TPP2: variants seen among roughly 807,000 people sequenced by gnomAD.
TPP2 encodes the protein tripeptidyl-peptidase 2.
A neutral mutation model predicts 155.9 loss-of-function variants in TPP2; 34 were observed. That is an observed-to-expected ratio of 0.22 (90% CI 0.17 to 0.29). TPP2 has a LOEUF of 0.29. Among genes scored for constraint, TPP2 ranks in the 10% least tolerant of loss-of-function variants. The pLI is 1.00. For synonymous variants in TPP2, 510 were observed against 529.4 expected, an observed-to-expected ratio of 0.96 and a Z score of 0.50; for missense variants, 1,028 against 1,522.3, an observed-to-expected ratio of 0.68 and a Z score of 5.40.
At chr13:102,669,759 G>C (rs1884847493) in intron 27 of TPP2, among the ~76,000 whole-genome samples, 1 of 152,140 alleles carries the variant, frequency 6.6e-6, no homozygotes, top group Non-Finnish European at 1.5e-5. Flanking sequence ...GGGTGGCTTG[G>C]TCAAGCAGTG....
chr13:102,628,030 G>A (rs1209910767), intron 8 of TPP2, 106 bp downstream of exon 8: 6 of 881,690 alleles, frequency 6.8e-6, no homozygotes, highest in Non-Finnish European at 1.1e-5. Flanking sequence ...AAGAACAGTT[G>A]CAGTGGTTAG....
intron 7 of TPP2, 132 bp from the exon 8 acceptor site, chr13:102,627,716 T>G: frequency 3.2e-6 from 2 of 629,764 alleles, no homozygotes; most frequent in Non-Finnish European, 5.5e-6. Context: ...TATGGTGATA[T>G]GCCTGGAGGT....
chr13:102,597,923 G>T (rs1478242678), intron 1 of TPP2, among the ~76,000 whole-genome samples: 1 of 151,690 alleles, frequency 6.6e-6, no homozygotes, highest in Non-Finnish European at 1.5e-5. Context: ...TACATAAGGA[G>T]AATTCAGTTA....
At chr13:102,599,674 G>A (rs892762409) in intron 1 of TPP2, among the ~76,000 whole-genome samples, 4 of 152,314 alleles carry the variant, frequency 2.6e-5, no homozygotes, top group South Asian at 2.1e-4. Flanking sequence ...GGTGGCATGA[G>A]AAGAGTAGTA....
At position 102,633,996 on chromosome 13, in the gene TPP2, A is replaced by C; in HGVS notation, c.1291A>C (p.Ile431Leu). The C allele has an allele frequency of 6.2e-7, 1 of 1,614,102 alleles. No homozygotes were observed. Among genetic ancestry groups the C allele is most frequent in the Non-Finnish European group, 8.5e-7 (1 of 1,179,988 alleles). Residue 431 changes from isoleucine to leucine, a missense_variant, in exon 11 of 30, where the codon ATT (isoleucine) becomes CTT (leucine). Transcript: ENST00000376052. ...GVSISAPGGA[I>L]ASVPNWTLRG... Reference sequence around the variant, plus strand: ...GAGTATCAGTGCGCCAGGAGGAGCCATTGCTTCTGTTCCTAACTGGACACT... The same window carrying C: ...GAGTATCAGTGCGCCAGGAGGAGCCCTTGCTTCTGTTCCTAACTGGACACT...
At chr13:102,657,278 A>G (rs776404666) in intron 25 of TPP2, 71 bp downstream of exon 25, 11 of 1,314,448 alleles carry the variant, frequency 8.4e-6, no homozygotes, top group Non-Finnish European at 8.1e-6. Context: ...AATATTGTGT[A>G]TATATACATA....
chr13:102,660,920 T>G (rs1809975253), intron 25 of TPP2, among the ~76,000 whole-genome samples: 2 of 152,198 alleles, frequency 1.3e-5, no homozygotes, highest in Non-Finnish European at 2.9e-5. Context: ...CAAAGGGTGC[T>G]GGGACTGGAT....
At chr13:102,660,832 C>T (rs2139581820) in intron 25 of TPP2, among the ~76,000 whole-genome samples, 1 of 152,272 alleles carries the variant, frequency 6.6e-6, no homozygotes, top group African/African-American at 2.4e-5. Flanking sequence ...AACCATGTGA[C>T]TATGGTCAGC....
At chr13:102,644,183 A>G (rs1882949493) in intron 17 of TPP2, among the ~76,000 whole-genome samples, 1 of 152,144 alleles carries the variant, frequency 6.6e-6, no homozygotes, top group African/African-American at 2.4e-5. Flanking sequence ...CCTATTGAGT[A>G]TGCCTTACAA....
At chr13:102,634,669 G>C (rs569396883) in intron 11 of TPP2, among the ~76,000 whole-genome samples, 37 of 152,080 alleles carry the variant, frequency 2.4e-4, no homozygotes, top group Non-Finnish European at 4.4e-4. Context: ...AGTTTCTTCT[G>C]CTCACCACAT....
At chr13:102,611,078 C>T (rs139060929) in intron 2 of TPP2, among the ~76,000 whole-genome samples, 3 of 152,124 alleles carry the variant, frequency 2.0e-5, no homozygotes, top group Non-Finnish European at 4.4e-5. Flanking sequence ...GTCATTTTTC[C>T]CTTGGTGTTG....
intron 21 of TPP2, among the ~76,000 whole-genome samples, chr13:102,647,819 C>T (rs1328653043): frequency 6.6e-6 from 1 of 152,144 alleles, no homozygotes; most frequent in Non-Finnish European, 1.5e-5. Context: ...TTACTACATA[C>T]CAGGCACTAT....
chr13:102,604,594 C>T (rs1304770882), intron 1 of TPP2, among the ~76,000 whole-genome samples, 199 bp from the exon 2 acceptor site: 1 of 152,166 alleles, frequency 6.6e-6, no homozygotes, highest in South Asian at 2.1e-4. Flanking sequence ...TATGAAACGA[C>T]TTGAAGGATT....
chr13:102,656,942 A>G (rs1029822917), intron 24 of TPP2, 114 bp from the exon 25 acceptor site: 7 of 1,094,418 alleles, frequency 6.4e-6, no homozygotes, highest in African/African-American at 1.7e-5. Flanking sequence ...TCTAGAATAC[A>G]GTGTAGTACA....
At chr13:102,640,909 C>T (rs2139520834) in intron 16 of TPP2, among the ~76,000 whole-genome samples, 1 of 152,262 alleles carries the variant, frequency 6.6e-6, no homozygotes, top group East Asian at 1.9e-4. Context: ...CTCGTCCTCC[C>T]AAAGTGCTGG....
rs184982946 is a variant in TPP2 at position 102,628,052 on chromosome 13, G to T, written c.1016+128G>T. The stretch of plus-strand genomic sequence containing the variant: ...GTTGCAGTGGTTAGATGATAACTGT[G>T]TTCAAGAGGACTTTCATCCTCTTGA... On this transcript the variant is annotated intron_variant, in intron 8 of 29. Coordinates refer to ENST00000376052, the MANE Select transcript of TPP2 (RefSeq NM_001330588.2). The T allele has an allele frequency of 1.1e-5, 8 of 723,384 alleles. No individual in the cohort carries two copies. The African/African-American group carries it at 1.5e-4, about 13-fold the overall frequency. The allele number at this position is 723,384 out of a possible 1,614,324, so 44.8% of individuals were successfully genotyped here.
At chr13:102,659,223 G>A (rs919515039) in intron 25 of TPP2, among the ~76,000 whole-genome samples, 6 of 152,210 alleles carry the variant, frequency 3.9e-5, no homozygotes, top group Admixed American at 3.9e-4. Context: ...GAGCCTCAGA[G>A]AAATGTGGGA....
chr13:102,605,382 C>T (rs754294168), intron 2 of TPP2, among the ~76,000 whole-genome samples: 1 of 152,202 alleles, frequency 6.6e-6, no homozygotes, highest in African/African-American at 2.4e-5. Context: ...CCACCTATCA[C>T]TTGACTATAT....
chr13:102,629,950 T>A (rs746275603), intron 9 of TPP2, 146 bp from the exon 10 acceptor site: 12 of 679,860 alleles, frequency 1.8e-5, no homozygotes, highest in Non-Finnish European at 1.7e-5. Flanking sequence ...TAGACTTTCC[T>A]TGTTTCCTTA....
Sources: gnomAD v4.1 joint callset for allele counts (sites outside exome capture counted in the v4.1 genomes callset) on GRCh38, gnomAD v4.1.1 for gene constraint, MANE v1.5 for transcripts, NCBI Gene and HGNC (gene_info 2026-07-23, HGNC 2026-07-21) for gene names.